SYNDIG1L: variants seen among roughly 807,000 people sequenced by gnomAD.
SYNDIG1L encodes synapse differentiation-inducing gene protein 1-like.
SYNDIG1L carries 13 observed loss-of-function variants against 20.1 expected under a neutral mutation model. The ratio of observed to expected loss-of-function variants is 0.65; its 90% CI spans 0.42 to 1.03. The LOEUF (loss-of-function observed/expected upper bound fraction) is 1.03. Among genes scored for constraint, SYNDIG1L ranks in the 50% least tolerant of loss-of-function variants. The pLI, the probability that SYNDIG1L is intolerant of heterozygous loss-of-function variation, is 0.00. For synonymous variants in SYNDIG1L, 128 were observed against 129.3 expected (o/e 0.99, Z 0.07); for missense variants, 294 against 305.1 (o/e 0.96, Z 0.27).
chr14:74,448,321 C>T, the SYNDIG1L span, among the ~76,000 whole-genome samples: 1 of 152,160 alleles, frequency 6.6e-6, no homozygotes, highest in South Asian at 2.1e-4. Context: ...AAAAGATATA[C>T]CATGCTCCCA....
upstream of SYNDIG1L, among the ~76,000 whole-genome samples, chr14:74,431,101 T>C (rs1018013975): frequency 1.3e-5 from 2 of 152,186 alleles, no homozygotes; most frequent in Non-Finnish European, 2.9e-5. Flanking sequence ...AGGCCTTCTT[T>C]GCCTTCACCC....
chr14:74,445,454 T>TTGTTTGTGTG, the SYNDIG1L span, among the ~76,000 whole-genome samples: 2 of 147,764 alleles, frequency 1.4e-5, no homozygotes, highest in African/African-American at 5.0e-5. Flanking sequence ...GTATTAAAAT[T>TTGTTTGTGTG]TGTGTGTGTG....
chr14:74,475,510 A>G, the SYNDIG1L span, among the ~76,000 whole-genome samples: 1 of 149,174 alleles, frequency 6.7e-6, no homozygotes, highest in Non-Finnish European at 1.5e-5. Flanking sequence ...AAACCTCCCC[A>G]CAGATTCTGG....
At chr14:74,467,781 C>A in the SYNDIG1L span, among the ~76,000 whole-genome samples, 453 of 152,224 alleles carry the variant, frequency 3.0e-3, 2 homozygotes, top group Non-Finnish European at 4.7e-3. Flanking sequence ...CAGCCAGGCC[C>A]AGGGGAGAAG....
At chr14:74,440,852 T>G in the SYNDIG1L span, among the ~76,000 whole-genome samples, 1 of 152,224 alleles carries the variant, frequency 6.6e-6, no homozygotes, top group African/African-American at 2.4e-5. Context: ...TATAGCTGTT[T>G]GTTTTTGAGG....
chr14:74,453,383 A>AAAAAAAAG, the SYNDIG1L span, among the ~76,000 whole-genome samples: 1 of 64,840 alleles, frequency 1.5e-5, no homozygotes, highest in Non-Finnish European at 3.7e-5. Flanking sequence ...AAAAAAAAAA[A>AAAAAAAAG]AAAAAAAAGA....
Position 74,407,675 on chromosome 14 carries a change from T to G in SYNDIG1L, c.577A>C (p.Lys193Gln), listed in dbSNP as rs1424502832. The change falls in exon 4 of 4, where the codon AAA becomes CAA. Residue 193 changes from lysine (K) to glutamine (Q), a missense_variant. Lys to Gln is a moderately conservative substitution (Grantham distance 53, BLOSUM62 1). Transcript: ENST00000331628. ...FSQGTSKAISKGDFRLASTTS... is the reference protein window; with the variant it reads ...FSQGTSKAISQGDFRLASTTS... ...GTGCTGGCCAGGCGGAAGTCCCCTT[T>G]GGAGATGGCCTTGCTGGTCTAGGGA... 3 of 1,609,668 alleles carry G rather than the reference T, an allele frequency of 1.9e-6. No homozygotes were observed. In the African/African-American group the frequency reaches 4.0e-5, roughly 22 times the overall value.
chr14:74,419,990 T>A (rs752459987), intron 1 of SYNDIG1L, among the ~76,000 whole-genome samples: 4 of 152,040 alleles, frequency 2.6e-5, no homozygotes, highest in Non-Finnish European at 4.4e-5. Context: ...AGGGAAGTTC[T>A]ATGGTCATGC....
At chr14:74,478,940 T>C in the SYNDIG1L span, among the ~76,000 whole-genome samples, 1 of 152,132 alleles carries the variant, frequency 6.6e-6, no homozygotes, top group African/African-American at 2.4e-5. Flanking sequence ...GATGAAGTGA[T>C]TTCAAGATCA....
intron 1 of SYNDIG1L, 123 bp from the exon 2 acceptor site, chr14:74,409,924 A>C: frequency 1.4e-6 from 1 of 728,486 alleles, no homozygotes; most frequent in Non-Finnish European, 1.9e-6. Context: ...CCTTTGCAAG[A>C]TGCAGGACCT....
chr14:74,472,325 C>T, the SYNDIG1L span: 1 of 152,166 alleles, frequency 6.6e-6, no homozygotes, highest in African/African-American at 2.4e-5. Flanking sequence ...ACAGGGGCTC[C>T]CTGTTTGGTT....
At chr14:74,477,552 A>T in the SYNDIG1L span, among the ~76,000 whole-genome samples, 4 of 152,144 alleles carry the variant, frequency 2.6e-5, no homozygotes, top group African/African-American at 7.2e-5. Flanking sequence ...TGTTCCTTTT[A>T]AAAAAAGTCA....
the SYNDIG1L span, among the ~76,000 whole-genome samples, chr14:74,460,405 C>A: frequency 6.6e-6 from 1 of 152,184 alleles, no homozygotes; most frequent in East Asian, 1.9e-4. Context: ...TACTGTAGGC[C>A]CCCATTCCAC....
chr14:74,464,846 TAC>T, the SYNDIG1L span, among the ~76,000 whole-genome samples: 254 of 152,332 alleles, frequency 1.7e-3, no homozygotes, highest in African/African-American at 5.6e-3. Flanking sequence ...CTTTAAGACT[TAC>T]ACAGAGGTAA....
chr14:74,464,975 G>C, the SYNDIG1L span, among the ~76,000 whole-genome samples: 1 of 152,198 alleles, frequency 6.6e-6, no homozygotes, highest in Admixed American at 6.5e-5. Flanking sequence ...CTGGAAAGCA[G>C]GTTCTTGGAG....
At chr14:74,426,766 A>G (rs546351511), upstream of SYNDIG1L, among the ~76,000 whole-genome samples, 275 of 122,170 alleles carry the variant, frequency 2.3e-3, no homozygotes, top group Non-Finnish European at 3.6e-3. Flanking sequence ...GCAGACCAGG[A>G]CGCTGGGCTC....
chr14:74,478,597 G>A, the SYNDIG1L span, among the ~76,000 whole-genome samples: 2 of 152,160 alleles, frequency 1.3e-5, no homozygotes, highest in Admixed American at 1.3e-4. Flanking sequence ...TAACTTCAAA[G>A]GAGCTAAATG....
At chr14:74,435,037 C>T in the SYNDIG1L span, among the ~76,000 whole-genome samples, 3 of 128,920 alleles carry the variant, frequency 2.3e-5, no homozygotes, top group Admixed American at 9.6e-5. Context: ...GAGCCGAGAT[C>T]GTGCCACTGC....
chr14:74,453,352 CAAAAAAAAAAAAAAAAAAAAAAAA>C, the SYNDIG1L span, among the ~76,000 whole-genome samples: 3 of 26,760 alleles, frequency 1.1e-4, no homozygotes, highest in East Asian at 4.5e-3. Context: ...GACTCTGTCT[CAAAAAAAAAAAAAAAAAAAAAAAA>C]AAAAAAAAAA....
Sources: allele counts gnomAD v4.1 joint callset (sites outside exome capture counted in the v4.1 genomes callset), GRCh38; gene constraint gnomAD v4.1.1; transcripts MANE v1.5; gene names NCBI Gene and HGNC (gene_info 2026-07-23, HGNC 2026-07-21).